UGT2B10: variants seen among roughly 807,000 people sequenced by gnomAD.
The protein encoded by UGT2B10 is UDP glucuronosyltransferase family 2 member B10.
UGT2B10 carries 51 observed loss-of-function variants against 43.7 expected under a neutral mutation model. The observed-to-expected ratio is 1.17, with a 90% CI of 0.93 to 1.47. UGT2B10 has a LOEUF of 1.47. Ranked by LOEUF, UGT2B10 falls within the 40% of genes most tolerant of loss-of-function variation. The pLI is 0.00. For synonymous variants in UGT2B10, 225 were observed against 209.0 expected (o/e 1.08, Z -0.66); for missense variants, 696 against 617.7 (o/e 1.13, Z -1.34).
intron 3 of UGT2B10, 75 bp from the exon 4 acceptor site, chr4:68,826,335 C>T (rs1194732152): frequency 2.7e-6 from 4 of 1,466,938 alleles, no homozygotes; most frequent in East Asian, 2.3e-5. Flanking sequence ...TTCATTTCTA[C>T]TCTTTTTACA....
At chr4:68,825,968 C>A (rs1027584615) in intron 3 of UGT2B10, among the ~76,000 whole-genome samples, 15 of 151,946 alleles carry the variant, frequency 9.9e-5, no homozygotes, top group African/African-American at 3.1e-4. Flanking sequence ...AGAGTATAAG[C>A]ATTCCTTTTC....
rs370730200 is a variant in UGT2B10, at chr4:68,816,137, A to G, written c.118A>G (p.Thr40Ala). 11 of 1,613,322 alleles carry G rather than the reference A, an allele frequency of 6.8e-6. No individual in the cohort carries two copies. The highest frequency in any genetic ancestry group is 9.3e-6 in the Non-Finnish European group (11 of 1,179,474). ...AEYSLWMNMK[T>A]ILKELVQRGH... ...ATACAGCCTTTGGATGAATATGAAGACAATCCTGAAAGAACTTGTTCAGAG... is the reference window on the plus strand; with the variant it reads ...ATACAGCCTTTGGATGAATATGAAGGCAATCCTGAAAGAACTTGTTCAGAG... The change falls in exon 1 of 6, where the codon ACA becomes GCA. Residue 40 changes from threonine (T) to alanine (A), a missense_variant. Thr to Ala is a moderately conservative substitution (Grantham distance 58). Transcript: ENST00000265403.
At position 68,827,563 on chromosome 4, in the gene UGT2B10, A is replaced by G. The variant is rs768449141; in HGVS notation, c.1307+15A>G. On this transcript the variant is annotated intron_variant, in intron 5 of 5. Transcript: ENST00000265403. ...AATGATCCTTCGTGAGTAGAACAAT[A>G]TTTTTCACTAGATGGTATTAATAGA... 1 of 1,612,664 alleles carries G rather than the reference A, an allele frequency of 6.2e-7. No individual in the cohort carries two copies. Among genetic ancestry groups the G allele is most frequent in the Non-Finnish European group, 8.5e-7 (1 of 1,179,134 alleles).
chr4:68,818,002 A>C, intron 1 of UGT2B10, 27 bp from the exon 2 acceptor site: 4 of 1,594,158 alleles, frequency 2.5e-6, no homozygotes, highest in Non-Finnish European at 3.4e-6. Context: ...TATGTCATCC[A>C]CTTCTTCTTT....
At position 68,826,437 on chromosome 4, in the gene UGT2B10, C is replaced by T. The variant is rs767451406; in HGVS notation, c.1027C>T (p.Pro343Ser). The T allele has an allele frequency of 3.7e-6, 6 of 1,611,884 alleles. No homozygotes were observed. In the African/African-American group the frequency reaches 8.0e-5, roughly 22 times the overall value. ...KVLWRFDGNK[P>S]DALGLNTRLY... ...TCTTTGGAGATTTGATGGGAATAAA[C>T]CAGATGCCTTAGGTCTCAATACTCG... is the stretch of plus-strand genomic sequence containing the variant. Residue 343 changes from proline to serine, a missense_variant, in exon 4 of 6, where the codon CCA (proline) becomes TCA (serine). Coordinates refer to ENST00000265403, the MANE Select transcript of UGT2B10 (RefSeq NM_001075.6).
chr4:68,826,438 C>T lies in UGT2B10; in HGVS notation c.1028C>T (p.Pro343Leu), dbSNP rs750306775. Residue 343 changes from proline (P) to leucine (L), a missense_variant, in exon 4 of 6, where the codon CCA becomes CTA. Coordinates refer to ENST00000265403, the MANE Select transcript of UGT2B10 (RefSeq NM_001075.6). ...KVLWRFDGNKPDALGLNTRLY... is the reference protein window; with the variant it reads ...KVLWRFDGNKLDALGLNTRLY... ...CTTTGGAGATTTGATGGGAATAAAC[C>T]AGATGCCTTAGGTCTCAATACTCGA... is the stretch of plus-strand genomic sequence containing the variant. 1 of 1,611,728 alleles carries T rather than the reference C, an allele frequency of 6.2e-7. No homozygotes were observed. The highest frequency in any genetic ancestry group is 2.2e-5 in the East Asian group (1 of 44,722).
intron 1 of UGT2B10, 68 bp from the exon 2 acceptor site, chr4:68,817,961 C>T: frequency 1.9e-6 from 3 of 1,555,206 alleles, no homozygotes; most frequent in East Asian, 2.3e-5. Context: ...TATTCTAACC[C>T]CTTTCAGAAA....
At chr4:68,816,814 A>G in intron 1 of UGT2B10, 77 bp downstream of exon 1, 1 of 1,208,324 alleles carries the variant, frequency 8.3e-7, no homozygotes, top group South Asian at 1.6e-5. Flanking sequence ...TAAAGCCATA[A>G]AGTCAGGGAA....
Position 68,818,935 on chromosome 4 carries a change from T to G in UGT2B10, c.867+758T>G, listed in dbSNP as rs141118593. Reference sequence around the variant, plus strand: ...TCAGAAATAAGGATATATGAAATGATTCTTTTTATAAGAAAAGCCTCCAAG... The same window carrying G: ...TCAGAAATAAGGATATATGAAATGAGTCTTTTTATAAGAAAAGCCTCCAAG... On this transcript the variant is annotated intron_variant, in intron 2 of 5. Coordinates refer to ENST00000265403, the MANE Select transcript of UGT2B10 (RefSeq NM_001075.6). Among the ~76,000 whole-genome samples the G allele has an allele frequency of 2.1e-3, 313 of 152,058 alleles. 2 individuals are homozygous for G. The highest frequency in any genetic ancestry group is 0.017 in the Middle Eastern group (5 of 294).
intron 5 of UGT2B10, 52 bp downstream of exon 5, chr4:68,827,600 G>T: frequency 6.2e-7 from 1 of 1,604,792 alleles, no homozygotes; most frequent in Non-Finnish European, 8.5e-7. Flanking sequence ...AGCTTTTCTT[G>T]TCAGTAGTGA....
At position 68,827,312 on chromosome 4, in the gene UGT2B10, A is replaced by T; in HGVS notation, c.1088-17A>T. ...TTATTCCTATGAATAATTTTGCTAA[A>T]ATTCATCCAATCCTAGGTCATCCAA... On this transcript the variant is annotated splice_polypyrimidine_tract_variant and intron_variant, in intron 4 of 5. Transcript: ENST00000265403. The T allele has an allele frequency of 6.2e-7, 1 of 1,605,992 alleles. No homozygotes were observed. Among genetic ancestry groups the T allele is most frequent in the Non-Finnish European group, 8.5e-7 (1 of 1,174,420 alleles).
rs901065015 is a variant in UGT2B10 at position 68,831,867 on chromosome 4, C to T, written c.*988C>T. Among the ~76,000 whole-genome samples the T allele has an allele frequency of 2.6e-5, 4 of 152,052 alleles. No individual in the cohort carries two copies. Among genetic ancestry groups the T allele is most frequent in the Non-Finnish European group, 5.9e-5 (4 of 67,992 alleles). On this transcript the variant is annotated 3_prime_UTR_variant, in exon 6 of 6. Coordinates refer to ENST00000265403, the MANE Select transcript of UGT2B10 (RefSeq NM_001075.6). ...CAATCCAACTGCAAAGTTCACCTTA[C>T]CTGACTAAGGATTATTCATTAAGTT...
chr4:68,827,372 T>C lies in UGT2B10; in HGVS notation c.1131T>C (p.Asn377=), dbSNP rs781515923. 15 of 1,613,296 alleles carry C rather than the reference T, an allele frequency of 9.3e-6. No individual in the cohort carries two copies. The highest frequency in any genetic ancestry group is 1.3e-5 in the African/African-American group (1 of 74,898). ...TRAFITHGGA[N]GIYEAIYHGI... The stretch of plus-strand genomic sequence containing the variant: ...CTTTTATAACTCATGGTGGAGCCAA[T>C]GGCATCTATGAGGCAATCTACCATG... The change falls in exon 5 of 6, where the codon AAT becomes AAC. Residue 377 remains asparagine, a synonymous_variant. Coordinates refer to ENST00000265403, the MANE Select transcript of UGT2B10 (RefSeq NM_001075.6).
intron 1 of UGT2B10, among the ~76,000 whole-genome samples, chr4:68,817,222 G>A (rs1737258864): frequency 6.6e-6 from 1 of 151,720 alleles, no homozygotes; most frequent in East Asian, 1.9e-4. Flanking sequence ...AGTAGAGAGA[G>A]ATAATGTCTA....
intron 2 of UGT2B10, among the ~76,000 whole-genome samples, chr4:68,820,564 G>A (rs835318): frequency 0.88 from 134,238 of 151,928 alleles, 61,383 homozygotes; most frequent in Non-Finnish European, 1. Context: ...GCACTAAAAT[G>A]ATTTTATCAA....
chr4:68,822,783 T>C (rs1004666841), intron 3 of UGT2B10, among the ~76,000 whole-genome samples: 1 of 152,142 alleles, frequency 6.6e-6, no homozygotes, highest in Non-Finnish European at 1.5e-5. Context: ...CTTAATGTAG[T>C]CTTTAGAATG....
rs1437921459 is a variant in UGT2B10, at chr4:68,827,190, T to C, written c.1088-139T>C. ...GTTACATCTCCAACACAAGTACCTG[T>C]TTTTTCCTCTGAAATCTGAAAAGTA... On this transcript the variant is annotated intron_variant, in intron 4 of 5. Transcript: ENST00000265403. The C allele has an allele frequency of 4.2e-6, 6 of 1,411,960 alleles. No homozygotes were observed. The Admixed American group carries it at 6.5e-5, about 15-fold the overall frequency. 87.5% of individuals were successfully genotyped at this position (1,411,960 alleles called of 1,614,324 possible).
At chr4:68,829,452 CT>C (rs1470407937) in intron 5 of UGT2B10, among the ~76,000 whole-genome samples, 1 of 151,946 alleles carries the variant, frequency 6.6e-6, no homozygotes, top group Non-Finnish European at 1.5e-5. Context: ...CATTTTTGAA[CT>C]ATTCACTTAG....
chr4:68,831,114 A>T lies in UGT2B10; in HGVS notation c.*235A>T. 1 of 533,296 alleles carries T rather than the reference A, an allele frequency of 1.9e-6. No homozygotes were observed. Among genetic ancestry groups the T allele is most frequent in the Non-Finnish European group, 3.2e-6 (1 of 315,748 alleles). 33.0% of individuals were successfully genotyped at this position (533,296 alleles called of 1,614,324 possible). On this transcript the variant is annotated 3_prime_UTR_variant, in exon 6 of 6. Coordinates refer to ENST00000265403, the MANE Select transcript of UGT2B10 (RefSeq NM_001075.6). ...GGGAAATAAAAAATAATATAAAGCC[A>T]TATGAGCTTGTATTGAAATTTGTTG...
Sources: allele counts gnomAD v4.1 joint callset (sites outside exome capture counted in the v4.1 genomes callset), GRCh38; gene constraint gnomAD v4.1.1; transcripts MANE v1.5; gene names NCBI Gene and HGNC (gene_info 2026-07-23, HGNC 2026-07-21).